The following XYLB variants were observed in gnomAD, a reference collection of about 807,000 sequenced individuals.
XYLB encodes the protein xylulokinase.
XYLB carries 62 observed loss-of-function variants against 78.7 expected under a neutral mutation model. That is an observed-to-expected ratio of 0.79 (90% confidence interval 0.64 to 0.97). The LOEUF (loss-of-function observed/expected upper bound fraction) is 0.97, where lower values mean the gene tolerates loss of function less well. Among genes scored for constraint, XYLB ranks in the 50% least tolerant of loss-of-function variants. The pLI is 0.00. For synonymous variants in XYLB, 245 were observed against 247.4 expected (o/e 0.99, Z 0.09); for missense variants, 687 against 676.8 (o/e 1.02, Z -0.17).
chr3:38,430,969 A>C, the XYLB span, among the ~76,000 whole-genome samples: 2 of 152,162 alleles, frequency 1.3e-5, no homozygotes, highest in Admixed American at 6.5e-5. Context: ...CTTGTAGTAT[A>C]GTTTGAAGTC....
chr3:38,371,911 C>A (rs1409080544), intron 9 of XYLB, among the ~76,000 whole-genome samples: 2 of 152,190 alleles, frequency 1.3e-5, no homozygotes, highest in African/African-American at 2.4e-5. Context: ...AACAGCCAAG[C>A]CACCGGGACT....
intron 4 of XYLB, among the ~76,000 whole-genome samples, chr3:38,363,735 G>T (rs1331801076): frequency 6.6e-6 from 1 of 152,168 alleles, no homozygotes; most frequent in African/African-American, 2.4e-5. Context: ...TTGGGCTTCT[G>T]TTATTATCGT....
At chr3:38,434,133 A>G in the XYLB span, among the ~76,000 whole-genome samples, 3 of 152,232 alleles carry the variant, frequency 2.0e-5, no homozygotes, top group African/African-American at 7.2e-5. Flanking sequence ...TCATGAGAAC[A>G]GCATGGGGAA....
In XYLB at chr3:38,393,212, G is replaced by A. The variant is rs138188199; in HGVS notation, c.1292-2293G>A. Among the ~76,000 whole-genome samples the A allele has an allele frequency of 5.2e-3, 795 of 151,994 alleles. 4 individuals carry two copies. Among genetic ancestry groups the A allele is most frequent in the African/African-American group, 0.018 (740 of 41,392 alleles). On this transcript the variant is annotated intron_variant, in intron 15 of 18. Coordinates refer to ENST00000207870, the MANE Select transcript of XYLB (RefSeq NM_005108.4). Reference sequence around the variant, plus strand: ...GCCGCACAGGCTGGAGTGCAGCGGCGCGATCTCAGCTCACTGCAACCTCCA... The same window carrying A: ...GCCGCACAGGCTGGAGTGCAGCGGCACGATCTCAGCTCACTGCAACCTCCA...
At chr3:38,376,063 G>A in intron 12 of XYLB, 54 bp from the exon 13 acceptor site, 3 of 1,228,406 alleles carry the variant, frequency 2.4e-6, no homozygotes, top group South Asian at 2.4e-5. Flanking sequence ...GAAACTCATG[G>A]GTCCAGTCAG....
rs1406154429 is a variant in XYLB at position 38,374,444 on chromosome 3, C to T, written c.848-18C>T. 6.2e-7 allele frequency: 1 copy of T among 1,614,052 alleles called. No individual in the cohort carries two copies. Among genetic ancestry groups the T allele is most frequent in the Non-Finnish European group, 8.5e-7 (1 of 1,179,952 alleles). ...CATGTGGCCGCCAGCTAACCAGAAG[C>T]TCCCCTCCCATTCTCAGCGTCGCTG... On this transcript the variant is annotated intron_variant, in intron 10 of 18. Transcript: ENST00000207870.
In XYLB at chr3:38,351,127, G is replaced by A. The variant is rs144364028; in HGVS notation, c.140+2495G>A. ...AGGGAGGTTTCGGTGAGCCAAGATC[G>A]CGCCACTGCACTCCAGCCTGGACAA... is the stretch of plus-strand genomic sequence containing the variant. On this transcript the variant is annotated intron_variant, in intron 2 of 18. Transcript: ENST00000207870. Among the ~76,000 whole-genome samples, 968 of 132,398 alleles carry A rather than the reference G, an allele frequency of 7.3e-3. 5 individuals carry two copies. The highest frequency in any genetic ancestry group is 0.017 in the Admixed American group (195 of 11,194). The allele number at this position is 132,398 out of a possible 152,430, so 86.9% of individuals were successfully genotyped here. A position where few individuals can be genotyped will look rare whatever the true frequency, so the allele number is the denominator to read the frequency against.
chr3:38,436,734 T>C, the XYLB span, among the ~76,000 whole-genome samples: 2 of 152,054 alleles, frequency 1.3e-5, no homozygotes, highest in Non-Finnish European at 2.9e-5. Flanking sequence ...CTGGGTGTGG[T>C]GGCTCACACC....
At position 38,346,800 on chromosome 3, in the gene XYLB, AGCGCG is replaced by A; in HGVS notation, c.-65_-61del. On this transcript the variant is annotated 5_prime_UTR_variant, in exon 1 of 19. Coordinates refer to ENST00000207870, the MANE Select transcript of XYLB (RefSeq NM_005108.4). ...GGGCCCCTGCGTCTCTGGGCGCTGGAGCGCGGCGACTATCACGCCGCGTGGCGGAC... is the reference window on the plus strand; with the variant it reads ...GGGCCCCTGCGTCTCTGGGCGCTGGAGCGACTATCACGCCGCGTGGCGGAC... 1 of 1,423,194 alleles carries A rather than the reference AGCGCG, an allele frequency of 7.0e-7. No individual in the cohort carries two copies. The highest frequency in any genetic ancestry group is 3.0e-5 in the East Asian group (1 of 33,232). The allele number at this position is 1,423,194 out of a possible 1,614,324, so 88.2% of individuals were successfully genotyped here.
chr3:38,387,321 T>TTC (rs943496973), intron 15 of XYLB, among the ~76,000 whole-genome samples: 2 of 152,056 alleles, frequency 1.3e-5, no homozygotes, highest in African/African-American at 4.8e-5. Flanking sequence ...TTTTTTTTTT[T>TTC]TCTCTCTCTC....
chr3:38,367,435 A>G (rs1336955871), intron 7 of XYLB, among the ~76,000 whole-genome samples: 1 of 152,218 alleles, frequency 6.6e-6, no homozygotes, highest in Non-Finnish European at 1.5e-5. Flanking sequence ...TAAGGAAACG[A>G]TCAGCTCACA....
intron 15 of XYLB, among the ~76,000 whole-genome samples, chr3:38,389,013 A>G (rs1342157135): frequency 6.7e-6 from 1 of 149,188 alleles, no homozygotes; most frequent in Non-Finnish European, 1.5e-5. Context: ...GCAGGGTCAT[A>G]GGACAATAGT....
chr3:38,387,888 T>C (rs1329867839), intron 15 of XYLB, among the ~76,000 whole-genome samples: 1 of 152,216 alleles, frequency 6.6e-6, no homozygotes, highest in African/African-American at 2.4e-5. Flanking sequence ...ATCATCTTTA[T>C]AATTATTATA....
intron 3 of XYLB, among the ~76,000 whole-genome samples, chr3:38,361,408 A>G (rs1225388712): frequency 6.6e-6 from 1 of 150,930 alleles, no homozygotes; most frequent in Non-Finnish European, 1.5e-5. Context: ...CCTATATTAC[A>G]TTCTTTTTGT....
At chr3:38,422,587 T>C (rs1709013073), downstream of XYLB, among the ~76,000 whole-genome samples, 1 of 152,148 alleles carries the variant, frequency 6.6e-6, no homozygotes, top group South Asian at 2.1e-4. Flanking sequence ...GTAAAGCCCC[T>C]GAAGTATATC....
At chr3:38,410,265 G>T (rs997889214) in intron 18 of XYLB, among the ~76,000 whole-genome samples, 4 of 152,088 alleles carry the variant, frequency 2.6e-5, no homozygotes, top group Non-Finnish European at 4.4e-5. Flanking sequence ...ACAAACCTGA[G>T]AAAAACAAGA....
At chr3:38,365,031 G>C (rs1216667742) in intron 4 of XYLB, among the ~76,000 whole-genome samples, 168 bp from the exon 5 acceptor site, 1 of 152,158 alleles carries the variant, frequency 6.6e-6, no homozygotes, top group Non-Finnish European at 1.5e-5. Context: ...CCATTTTCTT[G>C]AAGTGGAAAC....
chr3:38,399,768 G>C (rs1708046314), intron 17 of XYLB, among the ~76,000 whole-genome samples: 1 of 152,112 alleles, frequency 6.6e-6, no homozygotes, highest in African/African-American at 2.4e-5. Context: ...CCACTGCCCT[G>C]CTCTGCCCTC....
At position 38,366,873 on chromosome 3, in the gene XYLB, G is replaced by A. The variant is rs1706292622; in HGVS notation, c.573G>A (p.Glu191=). ...ACCCCGAGGCCTACTCACATACGGA[G>A]GTTGGTTAAATGTTCCTGTTTGATT... is the stretch of plus-strand genomic sequence containing the variant. ...QQNPEAYSHT[E]RISLVSSFAA... is the part of the protein sequence containing the mutation. The change falls in exon 7 of 19, where the codon GAG becomes GAA. Residue 191 remains glutamate (E), a splice_region_variant and synonymous_variant. Coordinates refer to ENST00000207870, the MANE Select transcript of XYLB (RefSeq NM_005108.4). 3 of 1,605,110 alleles carry A rather than the reference G, an allele frequency of 1.9e-6. No homozygotes were observed. Among genetic ancestry groups the A allele is most frequent in the African/African-American group, 1.3e-5 (1 of 74,756 alleles).
Sources: gnomAD v4.1 joint callset for allele counts (sites outside exome capture counted in the v4.1 genomes callset) on GRCh38, gnomAD v4.1.1 for gene constraint, MANE v1.5 for transcripts, NCBI Gene and HGNC (gene_info 2026-07-23, HGNC 2026-07-21) for gene names.